Variants in GPC5 observed in about 807,000 individuals in gnomAD.
GPC5 encodes the protein glypican-5.
In GPC5, 47 loss-of-function variants were observed where a neutral mutation model predicts 53.9. That is an observed-to-expected ratio of 0.87 (90% CI 0.69 to 1.11). The LOEUF (loss-of-function observed/expected upper bound fraction) is 1.11, where lower values mean the gene tolerates loss of function less well. Among genes scored for constraint, GPC5 ranks in the 50% most tolerant of loss-of-function variants. GPC5 has a pLI of 0.00. For missense variants in GPC5, 748 were observed against 713.1 expected (o/e 1.05, Z -0.56); for synonymous variants, 286 against 263.3 (o/e 1.09, Z -0.84).
At chr13:91,448,285 C>A (rs769947716) in intron 1 of GPC5, among the ~76,000 whole-genome samples, 2 of 152,162 alleles carry the variant, frequency 1.3e-5, no homozygotes, top group East Asian at 1.9e-4. Flanking sequence ...ACAAGCAGCA[C>A]GAGCCTGATG....
At chr13:92,861,675 TGTG>T (rs954383789) in intron 7 of GPC5, among the ~76,000 whole-genome samples, 5 of 152,296 alleles carry the variant, frequency 3.3e-5, no homozygotes, top group African/African-American at 7.2e-5. Context: ...TCAATTTTGT[TGTG>T]GTGTTTTTTG....
chr13:91,981,540 C>T (rs1159285849), intron 6 of GPC5, among the ~76,000 whole-genome samples: 3 of 152,280 alleles, frequency 2.0e-5, no homozygotes, highest in South Asian at 2.1e-4. Flanking sequence ...CCGCCCACCT[C>T]GGCCTCCCAA....
intron 2 of GPC5, among the ~76,000 whole-genome samples, chr13:91,550,945 C>T (rs1342527792): frequency 6.6e-6 from 1 of 152,142 alleles, no homozygotes; most frequent in Non-Finnish European, 1.5e-5. Context: ...TGAGGCCTTC[C>T]CAGCCATGTG....
chr13:91,673,093 G>A (rs1281669313), intron 2 of GPC5, among the ~76,000 whole-genome samples: 1 of 152,006 alleles, frequency 6.6e-6, no homozygotes, highest in Non-Finnish European at 1.5e-5. Context: ...GTTAGGGGGT[G>A]AGGGGAGGGA....
intron 5 of GPC5, among the ~76,000 whole-genome samples, chr13:91,831,373 A>T (rs1329294765): frequency 1.3e-5 from 2 of 151,866 alleles, no homozygotes; most frequent in Non-Finnish European, 2.9e-5. Context: ...TTAAGGGTGG[A>T]TCTGCCTTCC....
chr13:91,572,169 A>ATG (rs1267501127), intron 2 of GPC5, among the ~76,000 whole-genome samples: 1 of 102,828 alleles, frequency 9.7e-6, no homozygotes, highest in Non-Finnish European at 1.9e-5. Flanking sequence ...ACACACACAT[A>ATG]TGTATATATA....
At chr13:91,877,102 T>C (rs1408922894) in intron 5 of GPC5, among the ~76,000 whole-genome samples, 1 of 152,188 alleles carries the variant, frequency 6.6e-6, no homozygotes. Flanking sequence ...TTTCAGAAGA[T>C]GTTTGGAAAC....
Position 91,726,040 on chromosome 13 carries a change from T to C in GPC5, c.1021-2492T>C, listed in dbSNP as rs984730446. ...TTAGATCGTCTTCCTTGGGTTCTTG[T>C]TACTAGGAGTTGTTGATGAACATAC... On this transcript the variant is annotated intron_variant, in intron 3 of 7. Transcript: ENST00000377067. 2.0e-5 allele frequency among the ~76,000 whole-genome samples: 3 copies of C among 152,336 alleles called. No individual in the cohort carries two copies. The East Asian group carries it at 5.8e-4, about 29-fold the overall frequency.
intron 7 of GPC5, among the ~76,000 whole-genome samples, chr13:92,712,012 A>G (rs912040058): frequency 1.3e-5 from 2 of 151,892 alleles, no homozygotes; most frequent in African/African-American, 2.4e-5. Context: ...GAAAAAGAAG[A>G]GCCAAATAAA....
intron 7 of GPC5, among the ~76,000 whole-genome samples, chr13:92,441,981 G>A (rs1594205531): frequency 6.6e-6 from 1 of 152,114 alleles, no homozygotes; most frequent in Non-Finnish European, 1.5e-5. Context: ...GCTATGAAAA[G>A]TACTTGAATT....
At chr13:91,620,411 G>T (rs574627382) in intron 2 of GPC5, among the ~76,000 whole-genome samples, 1 of 152,172 alleles carries the variant, frequency 6.6e-6, no homozygotes, top group South Asian at 2.1e-4. Flanking sequence ...TAAATGTCAT[G>T]TCTCTCAGTG....
chr13:91,862,308 T>C (rs949281180), intron 5 of GPC5, among the ~76,000 whole-genome samples: 1 of 152,186 alleles, frequency 6.6e-6, no homozygotes, highest in African/African-American at 2.4e-5. Flanking sequence ...GAAATGAACC[T>C]GATGCTCTGT....
At chr13:91,789,408 G>T (rs951364561) in intron 5 of GPC5, among the ~76,000 whole-genome samples, 5 of 152,076 alleles carry the variant, frequency 3.3e-5, no homozygotes. Flanking sequence ...CAATAGCTCT[G>T]ATCTTAAATA....
chr13:92,114,398 G>A (rs911740762), intron 6 of GPC5, among the ~76,000 whole-genome samples: 4 of 152,118 alleles, frequency 2.6e-5, no homozygotes, highest in Non-Finnish European at 4.4e-5. Context: ...TCCACACCAA[G>A]AGTGGAAGCA....
rs5805758 is a variant in GPC5 at position 92,713,608 on chromosome 13, C to CAA, written c.1562-152659_1562-152658dup. ...GGACGACAGAGCGAGACTCCAATCT[C>CAA]AAAAAAAAAAAAAAAAGTTCAATAT... On this transcript the variant is annotated intron_variant, in intron 7 of 7. Coordinates refer to ENST00000377067, the MANE Select transcript of GPC5 (RefSeq NM_004466.6). Among the ~76,000 whole-genome samples the CAA allele has an allele frequency of 2.6e-3, 294 of 113,944 alleles. 2 individuals are homozygous for CAA. Among genetic ancestry groups the CAA allele is most frequent in the African/African-American group, 6.8e-3 (211 of 31,138 alleles). The allele number at this position is 113,944 out of a possible 152,430, so 74.8% of individuals were successfully genotyped here. A position where few individuals can be genotyped will look rare whatever the true frequency, so the allele number is the denominator to read the frequency against.
intron 5 of GPC5, among the ~76,000 whole-genome samples, chr13:91,882,502 CAAT>C (rs2039274896): frequency 1.3e-5 from 2 of 151,672 alleles, no homozygotes; most frequent in Admixed American, 6.6e-5. Context: ...TATGTGAAAT[CAAT>C]GATGTTATAA....
intron 7 of GPC5, among the ~76,000 whole-genome samples, chr13:92,620,708 T>C (rs1391218009): frequency 6.6e-6 from 1 of 152,106 alleles, no homozygotes; most frequent in African/African-American, 2.4e-5. Context: ...ACCGTGAGTG[T>C]AGGCAGAGTG....
At position 92,539,351 on chromosome 13, in the gene GPC5, A is replaced by C. The variant is rs186411665; in HGVS notation, c.1562-326931A>C. ...GCATCTGTTGTTTCCTGACTTTTTA[A>C]TGATCGCCACTCTAACTGGTTGAGA... is the stretch of plus-strand genomic sequence containing the variant. On this transcript the variant is annotated intron_variant, in intron 7 of 7. Transcript: ENST00000377067. Among the ~76,000 whole-genome samples the C allele has an allele frequency of 3.5e-3, 539 of 152,074 alleles. 1 individual carries two copies. The highest frequency in any genetic ancestry group is 0.012 in the African/African-American group (500 of 41,494).
At chr13:91,706,146 T>G (rs892580987) in intron 3 of GPC5, among the ~76,000 whole-genome samples, 3 of 152,074 alleles carry the variant, frequency 2.0e-5, no homozygotes, top group Admixed American at 2.0e-4. Context: ...CCCAAAGTGT[T>G]GGGATTACAG....
Sources: gnomAD v4.1 joint callset for allele counts (sites outside exome capture counted in the v4.1 genomes callset) on GRCh38, gnomAD v4.1.1 for gene constraint, MANE v1.5 for transcripts, NCBI Gene and HGNC (gene_info 2026-07-23, HGNC 2026-07-21) for gene names.